Variants in MAP3K7CL observed in about 807,000 individuals in gnomAD.
MAP3K7CL encodes MAP3K7 C-terminal like.
MAP3K7CL carries 16 observed loss-of-function variants against 18.6 expected under a neutral mutation model. The ratio of observed to expected loss-of-function variants is 0.86; its 90% confidence interval spans 0.58 to 1.31. MAP3K7CL has a LOEUF of 1.31. Among genes scored for constraint, MAP3K7CL ranks in the 50% most tolerant of loss-of-function variants. The pLI is 0.00. For missense variants in MAP3K7CL, 163 were observed against 174.4 expected (o/e 0.93, Z 0.37); for synonymous variants, 65 against 66.8 (o/e 0.97, Z 0.13).
Position 29,092,377 on chromosome 21 carries a change from A to G in MAP3K7CL, c.228-62A>G, listed in dbSNP as rs1024722346. 27 of 1,584,524 alleles carry G rather than the reference A, an allele frequency of 1.7e-5. No homozygotes were observed. The Admixed American group carries it at 2.4e-4, about 14-fold the overall frequency. On this transcript the variant is annotated intron_variant, in intron 3 of 6. Transcript: ENST00000286791. ...TCAGGGAAAAAAAGAACTGACATCA[A>G]AAGGTCTGTGCGGGGTCATTTGTCT...
chr21:29,102,495 T>G (rs1382429316), intron 4 of MAP3K7CL: 2 of 150,334 alleles, frequency 1.3e-5, no homozygotes, highest in Non-Finnish European at 3.0e-5. Flanking sequence ...TTTTTTTTTT[T>G]TTTTAAACAC....
At chr21:29,140,899 T>C (rs1021085669) in intron 2 of MAP3K7CL, among the ~76,000 whole-genome samples, 1 of 152,178 alleles carries the variant, frequency 6.6e-6, no homozygotes, top group African/African-American at 2.4e-5. Flanking sequence ...CACCTCAGCC[T>C]CCCAAGTAGC....
intron 1 of MAP3K7CL, 71 bp downstream of exon 1, chr21:29,130,994 G>A (rs978628026): frequency 1.5e-5 from 14 of 914,516 alleles, no homozygotes; most frequent in Non-Finnish European, 1.6e-5. Flanking sequence ...CTCTGTTACA[G>A]CCTGTAGCCA....
intron 2 of MAP3K7CL, among the ~76,000 whole-genome samples, chr21:29,143,998 T>C (rs2087068341): frequency 6.6e-6 from 1 of 152,192 alleles, no homozygotes; most frequent in Non-Finnish European, 1.5e-5. Flanking sequence ...GGCCACTCCT[T>C]TACTCTATGA....
chr21:29,132,647 T>A (rs986876830), intron 1 of MAP3K7CL, among the ~76,000 whole-genome samples: 1 of 152,030 alleles, frequency 6.6e-6, no homozygotes, highest in Non-Finnish European at 1.5e-5. Context: ...GTAGCTGGGA[T>A]TACAGGTGCC....
At chr21:29,162,311 C>CTTT (rs146989290) in intron 4 of MAP3K7CL, among the ~76,000 whole-genome samples, 2 of 142,686 alleles carry the variant, frequency 1.4e-5, no homozygotes, top group African/African-American at 5.2e-5. Context: ...TTATGTGTAG[C>CTTT]TTTTTTTTTT....
At chr21:29,147,119 C>T (rs972748511) in intron 2 of MAP3K7CL, among the ~76,000 whole-genome samples, 7 of 152,018 alleles carry the variant, frequency 4.6e-5, no homozygotes, top group African/African-American at 1.7e-4. Context: ...TTTAAAATAG[C>T]TTTGGTTTTT....
At chr21:29,111,886 A>C (rs139935506) in intron 4 of MAP3K7CL, among the ~76,000 whole-genome samples, 1 of 152,306 alleles carries the variant, frequency 6.6e-6, no homozygotes, top group East Asian at 1.9e-4. Context: ...GGATGACTTA[A>C]ACCCACTGAT....
At chr21:29,144,289 C>T (rs1192769401) in intron 2 of MAP3K7CL, among the ~76,000 whole-genome samples, 1 of 152,078 alleles carries the variant, frequency 6.6e-6, no homozygotes, top group Non-Finnish European at 1.5e-5. Context: ...CTCAGCCTCC[C>T]GAGTAGCAGG....
Position 29,123,062 on chromosome 21 carries a change from T to C in MAP3K7CL, c.371-26127T>C, listed in dbSNP as rs1366213470. Among the ~76,000 whole-genome samples the C allele has an allele frequency of 2.8e-3, 403 of 144,374 alleles. 3 individuals carry two copies. Among genetic ancestry groups the C allele is most frequent in the Non-Finnish European group, 4.7e-3 (309 of 66,030 alleles). The allele number at this position is 144,374 out of a possible 152,430, so 94.7% of individuals were successfully genotyped here. A position where few individuals can be genotyped will look rare whatever the true frequency, so the allele number is the denominator to read the frequency against. ...TACTGGAGAAGAAATGATCTTTTTT[T>C]TTTTTTTTTTTTTTTTTGAAATGGA... On this transcript the variant is annotated intron_variant, in intron 4 of 6. Transcript: ENST00000286791.
At chr21:29,091,457 G>A (rs2086025983) in intron 1 of MAP3K7CL, 2 of 644,606 alleles carry the variant, frequency 3.1e-6, no homozygotes, top group African/African-American at 3.7e-5. Flanking sequence ...TTTCCTGAGT[G>A]TACATTTTCT....
chr21:29,139,872 C>T (rs981167846), intron 2 of MAP3K7CL, among the ~76,000 whole-genome samples: 11 of 149,672 alleles, frequency 7.3e-5, no homozygotes, highest in Middle Eastern at 3.3e-3. Flanking sequence ...GAGTGAGCCA[C>T]GACGCCCAGG....
At chr21:29,160,123 G>T (rs889929538) in intron 4 of MAP3K7CL, 67 bp downstream of exon 4, 4 of 1,241,190 alleles carry the variant, frequency 3.2e-6, no homozygotes, top group Non-Finnish European at 4.7e-6. Context: ...GGGGCAATGG[G>T]CAGGGGACAG....
intron 1 of MAP3K7CL, among the ~76,000 whole-genome samples, chr21:29,078,103 A>G (rs1218482607): frequency 3.3e-5 from 5 of 151,716 alleles, no homozygotes; most frequent in Admixed American, 1.3e-4. Context: ...TTTTTGTATT[A>G]TTATTTAATT....
At chr21:29,174,657 A>G in intron 4 of MAP3K7CL, 55 bp from the exon 5 acceptor site, 1 of 1,582,810 alleles carries the variant, frequency 6.3e-7, no homozygotes, top group South Asian at 1.1e-5. Context: ...TGAATAATTT[A>G]ATTTGCTTGC....
upstream of MAP3K7CL, chr21:29,130,589 C>A (rs771793367): frequency 1.3e-5 from 13 of 985,412 alleles, no homozygotes; most frequent in Non-Finnish European, 1.6e-5. Flanking sequence ...TGCTGTTTAT[C>A]AATGCCTCTG....
At chr21:29,158,612 A>C (rs1396074880) in intron 3 of MAP3K7CL, among the ~76,000 whole-genome samples, 2 of 152,292 alleles carry the variant, frequency 1.3e-5, no homozygotes, top group South Asian at 2.1e-4. Flanking sequence ...CTATTACATC[A>C]TGGGAGGGAT....
intron 1 of MAP3K7CL, among the ~76,000 whole-genome samples, chr21:29,078,200 T>G (rs1253452559): frequency 6.6e-6 from 1 of 152,200 alleles, no homozygotes; most frequent in Admixed American, 6.5e-5. Context: ...CTATATCATC[T>G]TATGTTTCAG....
chr21:29,102,876 A>G (rs2086257921), intron 4 of MAP3K7CL, among the ~76,000 whole-genome samples: 1 of 152,058 alleles, frequency 6.6e-6, no homozygotes, highest in African/African-American at 2.4e-5. Flanking sequence ...GTAATGAGGA[A>G]CTCAGGTCTC....
Sources: allele counts gnomAD v4.1 joint callset (sites outside exome capture counted in the v4.1 genomes callset), GRCh38; gene constraint gnomAD v4.1.1; transcripts MANE v1.5; gene names NCBI Gene and HGNC (gene_info 2026-07-23, HGNC 2026-07-21).